The following ADAM19 variants were observed in gnomAD, a reference collection of about 807,000 sequenced individuals.
The protein encoded by ADAM19 is ADAM metallopeptidase domain 19.
ADAM19 carries 65 observed loss-of-function variants against 114.7 expected under a neutral mutation model. That is an observed-to-expected ratio of 0.57 (90% CI 0.46 to 0.70). The LOEUF (loss-of-function observed/expected upper bound fraction) is 0.70. Among genes scored for constraint, ADAM19 ranks in the 30% least tolerant of loss-of-function variants. The pLI is 0.00. For missense variants in ADAM19, 1,063 were observed against 1,204.7 expected (o/e 0.88, Z 1.74); for synonymous variants, 466 against 460.5 (o/e 1.01, Z -0.15).
Position 157,519,904 on chromosome 5 carries a change from A to G in ADAM19, c.535T>C (p.Ser179Pro), listed in dbSNP as rs749130872. 1.2e-6 allele frequency: 2 copies of G among 1,613,914 alleles called. No homozygotes were observed. Among genetic ancestry groups the G allele is most frequent in the Admixed American group, 1.7e-5 (1 of 59,988 alleles). ...GCCCAGTCCCTGGTGGTGGGCTTGG[A>G]GTGCTCGAACCCACAGTTTCCCGGG... ...PPPGNCGFEHSKPTTRDWALQ... is the reference protein window; with the variant it reads ...PPPGNCGFEHPKPTTRDWALQ... Residue 179 changes from serine to proline, a missense_variant, in exon 6 of 23, where the codon TCC becomes CCC. Ser to Pro is a moderately conservative substitution (Grantham distance 74). Around this residue, in one of 3 missense-constraint regions of ADAM19, gnomAD observed 615 missense variants for 706.3 expected, o/e 0.87. Transcript: ENST00000257527.
chr5:157,477,354 A>T lies in ADAM19; in HGVS notation c.*3595T>A. On this transcript the variant is annotated 3_prime_UTR_variant, in exon 23 of 23. Coordinates refer to ENST00000257527, the MANE Select transcript of ADAM19 (RefSeq NM_033274.5). Reference sequence around the variant, plus strand: ...ATTTTTAATTAAATACTAACAAGGAAAAAAGGCACCATGGCCCATTCAAGT... The same window carrying T: ...ATTTTTAATTAAATACTAACAAGGATAAAAGGCACCATGGCCCATTCAAGT... The T allele has an allele frequency of 2.0e-6, 2 of 996,400 alleles. No homozygotes were observed. Among genetic ancestry groups the T allele is most frequent in the Non-Finnish European group, 2.4e-6 (2 of 835,666 alleles). The allele number at this position is 996,400 out of a possible 1,614,324, so 61.7% of individuals were successfully genotyped here.
intron 13 of ADAM19, among the ~76,000 whole-genome samples, chr5:157,497,598 C>CAA (rs1162805498): frequency 2.0e-5 from 3 of 151,776 alleles, no homozygotes; most frequent in Non-Finnish European, 4.4e-5. Context: ...CACACACACA[C>CAA]AAAACTAGCA....
intron 4 of ADAM19, among the ~76,000 whole-genome samples, chr5:157,531,742 T>C (rs2113756807): frequency 6.6e-6 from 1 of 151,158 alleles, no homozygotes; most frequent in African/African-American, 2.4e-5. Flanking sequence ...ATTTGTGTCC[T>C]TCTAACAAGA....
chr5:157,568,196 C>A (rs1237547129), intron 2 of ADAM19: 1 of 152,212 alleles, frequency 6.6e-6, no homozygotes, highest in Non-Finnish European at 1.5e-5. Flanking sequence ...TGGTCTTGAA[C>A]TCCTGACCTC....
chr5:157,538,337 T>C (rs1439698434), intron 3 of ADAM19, among the ~76,000 whole-genome samples: 2 of 152,260 alleles, frequency 1.3e-5, no homozygotes, highest in African/African-American at 4.8e-5. Flanking sequence ...CCCTGTTGTG[T>C]ACCGTGGTTG....
intron 3 of ADAM19, among the ~76,000 whole-genome samples, chr5:157,542,645 T>A (rs530060510): frequency 6.6e-6 from 1 of 151,980 alleles, no homozygotes; most frequent in African/African-American, 2.4e-5. Context: ...AGCCCGTCTC[T>A]ACAAAAAAAA....
intron 9 of ADAM19, 45 bp from the exon 10 acceptor site, chr5:157,507,185 G>T: frequency 6.3e-7 from 1 of 1,587,256 alleles, no homozygotes; most frequent in South Asian, 1.1e-5. Context: ...GAGACTAAGA[G>T]GGCTGTTCCA....
chr5:157,547,958 C>T (rs1429054326), intron 3 of ADAM19, among the ~76,000 whole-genome samples: 2 of 152,180 alleles, frequency 1.3e-5, no homozygotes, highest in Non-Finnish European at 2.9e-5. Context: ...CCTTTAAGGA[C>T]TCACCTCTGC....
Position 157,479,907 on chromosome 5 carries a change from G to A in ADAM19, c.*1042C>T. 1 of 985,862 alleles carries A rather than the reference G, an allele frequency of 1.0e-6. No homozygotes were observed. Among genetic ancestry groups the A allele is most frequent in the African/African-American group, 1.7e-5 (1 of 57,340 alleles). 61.1% of individuals were successfully genotyped at this position (985,862 alleles called of 1,614,324 possible). ...CCTAGATTTAGCTTAGAGTAAGGAGGAAGACCCCCACCCTGCTGAGGTCAC... is the reference window on the plus strand; with the variant it reads ...CCTAGATTTAGCTTAGAGTAAGGAGAAAGACCCCCACCCTGCTGAGGTCAC... On this transcript the variant is annotated 3_prime_UTR_variant, in exon 23 of 23. Coordinates refer to ENST00000257527, the MANE Select transcript of ADAM19 (RefSeq NM_033274.5).
intron 5 of ADAM19, among the ~76,000 whole-genome samples, chr5:157,529,847 G>A (rs1756574444): frequency 6.6e-6 from 1 of 152,106 alleles, no homozygotes; most frequent in South Asian, 2.1e-4. Context: ...GAGAAGGAAG[G>A]GTCACTCTCA....
intron 3 of ADAM19, among the ~76,000 whole-genome samples, chr5:157,542,271 T>G (rs1042296032): frequency 6.7e-6 from 1 of 150,252 alleles, no homozygotes; most frequent in Admixed American, 6.6e-5. Context: ...TTTTTTTTTT[T>G]CAGGTGATTT....
chr5:157,567,925 A>G (rs1349623301), intron 2 of ADAM19: 1 of 152,070 alleles, frequency 6.6e-6, no homozygotes, highest in African/African-American at 2.4e-5. Flanking sequence ...GCCCCAAATC[A>G]AAGCACTATC....
At chr5:157,535,838 C>T (rs1426262665) in intron 4 of ADAM19, among the ~76,000 whole-genome samples, 2 of 152,204 alleles carry the variant, frequency 1.3e-5, no homozygotes, top group Non-Finnish European at 2.9e-5. Flanking sequence ...CATTCTTGAG[C>T]TGTGGGTACA....
chr5:157,563,051 C>T (rs554641020), intron 3 of ADAM19, among the ~76,000 whole-genome samples: 2 of 152,178 alleles, frequency 1.3e-5, no homozygotes, highest in African/African-American at 4.8e-5. Context: ...CCCCGAGAGA[C>T]ACGGTCAAGA....
chr5:157,558,399 C>A (rs1160783638), intron 3 of ADAM19, among the ~76,000 whole-genome samples: 2 of 152,154 alleles, frequency 1.3e-5, no homozygotes, highest in Non-Finnish European at 2.9e-5. Context: ...TTAGATCTGC[C>A]AAATACTTGG....
At position 157,488,458 on chromosome 5, in the gene ADAM19, G is replaced by A; in HGVS notation, c.2357C>T (p.Pro786Leu). The change falls in exon 21 of 23, where the codon CCC becomes CTC. Residue 786 changes from proline (P) to leucine (L), a missense_variant. Physicochemically the swap from Pro to Leu is moderately conservative, Grantham distance 98. Coordinates refer to ENST00000257527, the MANE Select transcript of ADAM19 (RefSeq NM_033274.5). Reference sequence around the variant, plus strand: ...AGGGGGCCGGGGAGGAGGCTGGGAGGGCTTCCGCAGGATTTCCGGAGTGTT... The same window carrying A: ...AGGGGGCCGGGGAGGAGGCTGGGAGAGCTTCCGCAGGATTTCCGGAGTGTT... Reference protein sequence around the residue: ...VINTPEILRKPSQPPPRPPPD... With the variant: ...VINTPEILRKLSQPPPRPPPD... 8 of 1,606,778 alleles carry A rather than the reference G, an allele frequency of 5.0e-6. No individual in the cohort carries two copies. Among genetic ancestry groups the A allele is most frequent in the Non-Finnish European group, 6.0e-6 (7 of 1,175,810 alleles).
intron 15 of ADAM19, 130 bp from the exon 16 acceptor site, chr5:157,493,307 G>T: frequency 1.1e-6 from 1 of 911,852 alleles, no homozygotes; most frequent in Non-Finnish European, 1.7e-6. Flanking sequence ...GTTTAGGGCA[G>T]TCATGTGCTT....
chr5:157,563,229 G>A (rs893081550), intron 3 of ADAM19, among the ~76,000 whole-genome samples: 1 of 152,156 alleles, frequency 6.6e-6, no homozygotes, highest in African/African-American at 2.4e-5. Context: ...CAAGAGGAGA[G>A]GAACAAAAAT....
At chr5:157,523,281 T>C (rs1197822639) in intron 5 of ADAM19, among the ~76,000 whole-genome samples, 1 of 152,208 alleles carries the variant, frequency 6.6e-6, no homozygotes, top group African/African-American at 2.4e-5. Flanking sequence ...GGATATCTAT[T>C]AGAATATTCT....
Sources: gnomAD v4.1 joint callset for allele counts (sites outside exome capture counted in the v4.1 genomes callset) on GRCh38, gnomAD v4.1.1 for gene constraint, gnomAD v4.1.1 regional missense constraint, MANE v1.5 for transcripts, NCBI Gene and HGNC (gene_info 2026-07-23, HGNC 2026-07-21) for gene names.